Variants in ENOX2 observed in about 807,000 individuals in gnomAD.
ENOX2 encodes the protein ecto-NOX disulfide-thiol exchanger 2, also known as APK1 antigen.
A neutral mutation model predicts 45.0 loss-of-function variants in ENOX2; 36 were observed. The observed-to-expected ratio is 0.80, with a 90% CI of 0.61 to 1.06. ENOX2 has a LOEUF of 1.06. ENOX2 is among the 50% of genes least tolerant of loss of function. The probability of loss-of-function intolerance (pLI) is 0.00; values close to 1 mark genes in which losing one functional copy is unlikely to be tolerated. For synonymous variants in ENOX2, 174 were observed against 152.3 expected (o/e 1.14, Z -1.05); for missense variants, 423 against 462.5 (o/e 0.91, Z 0.78).
chrX:130,794,858 T>C (rs1257147392), intron 2 of ENOX2, among the ~76,000 whole-genome samples: 1 of 112,524 alleles, frequency 8.9e-6, no homozygotes, highest in Non-Finnish European at 1.9e-5. Context: ...ATTAACTATT[T>C]ATCCAATCAC....
At chrX:130,665,391 C>T (rs976653026) in intron 9 of ENOX2, among the ~76,000 whole-genome samples, 1 of 112,164 alleles carries the variant, frequency 8.9e-6, no homozygotes, top group Non-Finnish European at 1.9e-5. Context: ...ATTATCCCAG[C>T]TACATTTTCA....
rs1041540693 is a variant in ENOX2 at position 130,622,792 on chromosome X, A to G, written c.*2522T>C. Among the ~76,000 whole-genome samples the G allele has an allele frequency of 9.0e-6, 1 of 111,700 alleles. No homozygotes were observed. Among genetic ancestry groups the G allele is most frequent in the Non-Finnish European group, 1.9e-5 (1 of 53,224 alleles). ...ATATAATGTATATTCATATGTATAT[A>G]TCTATGCTTATCTATATATAGATAT... On this transcript the variant is annotated 3_prime_UTR_variant, in exon 15 of 15. Transcript: ENST00000394363.
chrX:130,735,243 T>A (rs747815589), intron 3 of ENOX2, among the ~76,000 whole-genome samples: 1 of 112,296 alleles, frequency 8.9e-6, no homozygotes, highest in Non-Finnish European at 1.9e-5. Flanking sequence ...AGAAATTTGA[T>A]CCTGTTAGAA....
rs772117481 is a variant in ENOX2 at position 130,858,114 on chromosome X, C to CT, written c.-183+43569dup. Among the ~76,000 whole-genome samples the CT allele has an allele frequency of 4.0e-3, 367 of 92,502 alleles. 5 individuals are homozygous for CT. The highest frequency in any genetic ancestry group is 9.6e-3 in the African/African-American group (245 of 25,550). The allele number at this position is 92,502 out of a possible 115,157, so 80.3% of individuals were successfully genotyped here. A position where few individuals can be genotyped will look rare whatever the true frequency, so the allele number is the denominator to read the frequency against. Reference sequence around the variant, plus strand: ...GGTATACCTAATCATGGGCTTTTTCCTTTTTTTTTTTTTTTTTTTAGACGG... The same window carrying CT: ...GGTATACCTAATCATGGGCTTTTTCCTTTTTTTTTTTTTTTTTTTTAGACGG... On this transcript the variant is annotated intron_variant, in intron 2 of 14. Transcript: ENST00000394363.
At chrX:130,680,118 A>G (rs2037263294) in intron 5 of ENOX2, among the ~76,000 whole-genome samples, 1 of 112,188 alleles carries the variant, frequency 8.9e-6, no homozygotes, top group Non-Finnish European at 1.9e-5. Context: ...GTTATTTTCA[A>G]GAGTTCTCAG....
At chrX:130,655,808 G>A (rs1327778178) in intron 10 of ENOX2, among the ~76,000 whole-genome samples, 1 of 111,662 alleles carries the variant, frequency 9.0e-6, no homozygotes, top group Non-Finnish European at 1.9e-5. Flanking sequence ...CTAATTTTTT[G>A]TATTTTTAGT....
At chrX:130,787,368 T>C (rs753755406) in intron 2 of ENOX2, among the ~76,000 whole-genome samples, 5 of 112,016 alleles carry the variant, frequency 4.5e-5, no homozygotes, top group South Asian at 7.5e-4. Context: ...AGATTATATA[T>C]GTAGAACATT....
At chrX:130,878,637 T>C (rs369624221) in intron 2 of ENOX2, among the ~76,000 whole-genome samples, 2 of 112,161 alleles carry the variant, frequency 1.8e-5, no homozygotes, top group African/African-American at 6.5e-5. Flanking sequence ...TCAATTGCTC[T>C]TTTCCATTTC....
Position 130,628,044 on chromosome X carries a change from C to G in ENOX2, c.1529-1G>C. 1 of 1,175,370 alleles carries G rather than the reference C, an allele frequency of 8.5e-7. No individual in the cohort carries two copies. Among genetic ancestry groups the G allele is most frequent in the South Asian group, 1.8e-5 (1 of 55,993 alleles). The stretch of plus-strand genomic sequence containing the variant: ...ACATGAAGGAATGTGGAGATAATCC[C>G]TACAGAGACAAGAGCATGGAGGTTA... On this transcript the variant is annotated splice_acceptor_variant, in intron 13 of 14. Coordinates refer to ENST00000394363, the MANE Select transcript of ENOX2 (RefSeq NM_006375.4). LOFTEE classifies it high-confidence loss of function.
chrX:130,892,576 C>A (rs1429467184), intron 2 of ENOX2, among the ~76,000 whole-genome samples: 1 of 112,576 alleles, frequency 8.9e-6, no homozygotes, highest in East Asian at 2.8e-4. Context: ...CATGATTCTT[C>A]CTCTGGCACT....
chrX:130,718,475 T>A (rs1012638493), intron 3 of ENOX2, among the ~76,000 whole-genome samples: 1 of 111,685 alleles, frequency 9.0e-6, no homozygotes. Context: ...ACAAAAAATG[T>A]AGAAAACAGT....
intron 2 of ENOX2, among the ~76,000 whole-genome samples, chrX:130,899,530 T>C (rs1398756379): frequency 8.9e-6 from 1 of 112,056 alleles, no homozygotes; most frequent in Admixed American, 9.4e-5. Flanking sequence ...TGCAGGGTCC[T>C]GTGGAAGCCC....
At chrX:130,675,312 A>C (rs1470631210) in intron 6 of ENOX2, among the ~76,000 whole-genome samples, 2 of 111,674 alleles carry the variant, frequency 1.8e-5, no homozygotes, top group African/African-American at 6.5e-5. Context: ...TTGCCATTCT[A>C]ACTGGTGTGA....
intron 2 of ENOX2, among the ~76,000 whole-genome samples, chrX:130,836,488 A>G (rs1403343792): frequency 9.0e-6 from 1 of 111,553 alleles, no homozygotes; most frequent in Non-Finnish European, 1.9e-5. Flanking sequence ...GCACATTCAA[A>G]GACTCGACTG....
intron 2 of ENOX2, among the ~76,000 whole-genome samples, chrX:130,894,913 T>A (rs2079036721): frequency 8.9e-6 from 1 of 112,138 alleles, no homozygotes; most frequent in East Asian, 2.8e-4. Flanking sequence ...CACCTCTTTG[T>A]CCACATAGAG....
chrX:130,873,940 T>G (rs1344787671), intron 2 of ENOX2, among the ~76,000 whole-genome samples: 1 of 110,690 alleles, frequency 9.0e-6, no homozygotes. Flanking sequence ...AAATACCTAA[T>G]GTAGATGATG....
At chrX:130,758,296 C>G (rs939725774) in intron 3 of ENOX2, among the ~76,000 whole-genome samples, 2 of 111,959 alleles carry the variant, frequency 1.8e-5, no homozygotes, top group African/African-American at 6.5e-5. Flanking sequence ...TCTTCTTAAC[C>G]CCTGACAACC....
intron 5 of ENOX2, among the ~76,000 whole-genome samples, chrX:130,681,616 G>C (rs1482208173): frequency 9.0e-6 from 1 of 111,260 alleles, no homozygotes; most frequent in Non-Finnish European, 1.9e-5. Context: ...TATAACCTTG[G>C]GAAAATTATA....
chrX:130,862,785 C>T (rs2078429904), intron 2 of ENOX2, among the ~76,000 whole-genome samples: 1 of 111,548 alleles, frequency 9.0e-6, no homozygotes, highest in Non-Finnish European at 1.9e-5. Flanking sequence ...AAATAGGGAG[C>T]AGCCACCTTA....
Sources: allele counts gnomAD v4.1 joint callset (sites outside exome capture counted in the v4.1 genomes callset), GRCh38; gene constraint gnomAD v4.1.1; transcripts MANE v1.5; gene names NCBI Gene and HGNC (gene_info 2026-07-23, HGNC 2026-07-21).